OSMR: variants seen among roughly 807,000 people sequenced by gnomAD.
OSMR encodes the protein oncostatin M receptor.
In OSMR, 81 loss-of-function variants were observed where a neutral mutation model predicts 99.9. The ratio of observed to expected loss-of-function variants is 0.81; its 90% confidence interval spans 0.68 to 0.97. The LOEUF is 0.97. Ranked by LOEUF, OSMR falls within the 50% of genes least tolerant of loss-of-function variation. OSMR has a pLI of 0.00. For synonymous variants in OSMR, 406 were observed against 410.4 expected (o/e 0.99, Z 0.13); for missense variants, 1,099 against 1,153.4 (o/e 0.95, Z 0.68).
At position 38,883,817 on chromosome 5, in the gene OSMR, T is replaced by C. The variant is rs1254603809; in HGVS notation, c.419-10T>C. The C allele has an allele frequency of 1.2e-6, 2 of 1,612,376 alleles. No homozygotes were observed. The highest frequency in any genetic ancestry group is 2.2e-5 in the South Asian group (2 of 91,004). ...TGCGATTCTAACTTGGCTATTTTTTTTTCTTGCAGTACAAGATTCTACTGG... is the reference window on the plus strand; with the variant it reads ...TGCGATTCTAACTTGGCTATTTTTTCTTCTTGCAGTACAAGATTCTACTGG... On this transcript the variant is annotated splice_polypyrimidine_tract_variant and intron_variant, in intron 4 of 17. Transcript: ENST00000274276.
intron 16 of OSMR, 64 bp from the exon 17 acceptor site, chr5:38,932,399 G>C: frequency 8.5e-7 from 1 of 1,171,838 alleles, no homozygotes; most frequent in Non-Finnish European, 1.3e-6. Context: ...TGACTCCAGA[G>C]TTCTTGCTCT....
In OSMR at chr5:38,902,249, C is replaced by T. The variant is rs77250514; in HGVS notation, c.992-1633C>T. On this transcript the variant is annotated intron_variant, in intron 7 of 17. Coordinates refer to ENST00000274276, the MANE Select transcript of OSMR (RefSeq NM_003999.3). ...TAGGTGGCAGGCGGAAGTGGATATG[C>T]CCCACTGTTATGGCTTAAATCCTTA... 3.2e-3 allele frequency among the ~76,000 whole-genome samples: 492 copies of T among 152,304 alleles called. 6 individuals are homozygous for T. The highest frequency in any genetic ancestry group is 0.011 in the African/African-American group (475 of 41,562).
intron 2 of OSMR, chr5:38,944,894 T>C: frequency 1.9e-6 from 3 of 1,609,098 alleles, no homozygotes; most frequent in Non-Finnish European, 1.7e-6. Flanking sequence ...AATGATTGGA[T>C]TTGAATCTGA....
intron 7 of OSMR, among the ~76,000 whole-genome samples, chr5:38,891,972 G>A (rs1315112093): frequency 6.6e-6 from 1 of 152,116 alleles, no homozygotes; most frequent in Admixed American, 6.5e-5. Context: ...TCCGGGCAAG[G>A]CTCATGGCTT....
At chr5:38,920,176 CCCCGTG>C (rs1232501770) in intron 11 of OSMR, among the ~76,000 whole-genome samples, 1 of 152,152 alleles carries the variant, frequency 6.6e-6, no homozygotes, top group Non-Finnish European at 1.5e-5. Context: ...CACCCTCCAT[CCCCGTG>C]CCCTGCCTTC....
intron 4 of OSMR, among the ~76,000 whole-genome samples, chr5:38,882,272 G>A (rs1743348974): frequency 6.6e-6 from 1 of 152,130 alleles, no homozygotes; most frequent in Non-Finnish European, 1.5e-5. Flanking sequence ...TTTGTTGATA[G>A]AAATTTATTT....
intron 7 of OSMR, among the ~76,000 whole-genome samples, chr5:38,891,776 G>A (rs149474685): frequency 5.3e-5 from 8 of 152,342 alleles, no homozygotes; most frequent in African/African-American, 1.9e-4. Flanking sequence ...AGCCCCAATA[G>A]CGGCCATTGC....
intron 7 of OSMR, among the ~76,000 whole-genome samples, chr5:38,902,103 G>A (rs1289770467): frequency 1.3e-5 from 2 of 152,118 alleles, no homozygotes; most frequent in Admixed American, 6.5e-5. Flanking sequence ...ATTGTGAGAG[G>A]GTGGTTTATA....
chr5:38,878,626 T>C (rs1040624928), intron 3 of OSMR, among the ~76,000 whole-genome samples: 2 of 152,166 alleles, frequency 1.3e-5, no homozygotes, highest in African/African-American at 4.8e-5. Context: ...CAGTAACAAA[T>C]CAGTGACCTC....
chr5:38,931,985 T>C, intron 16 of OSMR, 21 bp downstream of exon 16: 1 of 1,571,316 alleles, frequency 6.4e-7, no homozygotes, highest in Non-Finnish European at 8.8e-7. Context: ...GAGGAAGGTT[T>C]TATCCAAGAA....
At chr5:38,937,701 A>G (rs1489859399), downstream of OSMR, among the ~76,000 whole-genome samples, 1 of 152,292 alleles carries the variant, frequency 6.6e-6, no homozygotes, top group African/African-American at 2.4e-5. The surrounding 1 kb of genome is among the most constrained non-coding windows in gnomAD (Gnocchi z 4.0). Flanking sequence ...CATTTTCCAA[A>G]TCCCTTTAGA....
At chr5:38,944,244 A>C (rs1422075073) in exon 2 of OSMR, 1 of 646,612 alleles carries the variant, frequency 1.5e-6, no homozygotes, top group Non-Finnish European at 2.9e-6. Context: ...CTGGATTCTC[A>C]TACTTGCTTC....
At chr5:38,849,600 C>CAAAT (rs1465630205) in intron 1 of OSMR, among the ~76,000 whole-genome samples, 4 of 151,996 alleles carry the variant, frequency 2.6e-5, no homozygotes, top group African/African-American at 9.7e-5. Flanking sequence ...TTTCTCTTTA[C>CAAAT]AAATAGCCTG....
At chr5:38,889,478 T>A (rs1744011377) in intron 7 of OSMR, among the ~76,000 whole-genome samples, 1 of 152,208 alleles carries the variant, frequency 6.6e-6, no homozygotes, top group Non-Finnish European at 1.5e-5. Context: ...AATTTTGAAT[T>A]TATTTTTTGT....
At chr5:38,930,096 C>T (rs1243790152) in intron 15 of OSMR, among the ~76,000 whole-genome samples, 2 of 152,208 alleles carry the variant, frequency 1.3e-5, no homozygotes, top group African/African-American at 4.8e-5. Flanking sequence ...AAGGCACAGA[C>T]CACATAATGT....
chr5:38,905,840 ATTC>A (rs1745193534), intron 9 of OSMR, among the ~76,000 whole-genome samples: 1 of 152,136 alleles, frequency 6.6e-6, no homozygotes, highest in Admixed American at 6.5e-5. Flanking sequence ...GTATTTTATT[ATTC>A]TTCTTATTTG....
At chr5:38,924,217 C>A in intron 13 of OSMR, 1 of 705,418 alleles carries the variant, frequency 1.4e-6, no homozygotes, top group Non-Finnish European at 1.7e-6. Flanking sequence ...AAAGGCAAGA[C>A]TTGAACAAGA....
intron 7 of OSMR, among the ~76,000 whole-genome samples, chr5:38,887,722 C>A (rs1051262920): frequency 4.6e-5 from 7 of 152,034 alleles, no homozygotes; most frequent in African/African-American, 1.2e-4. Context: ...TCTATGAAAA[C>A]CCCTCCTGGG....
At chr5:38,871,423 C>G (rs1440304027) in intron 2 of OSMR, among the ~76,000 whole-genome samples, 1 of 152,236 alleles carries the variant, frequency 6.6e-6, no homozygotes, top group Non-Finnish European at 1.5e-5. Flanking sequence ...TTGCCCTGAC[C>G]TGTACTATTT....
Sources: gnomAD v4.1 joint callset for allele counts (sites outside exome capture counted in the v4.1 genomes callset) on GRCh38, gnomAD v4.1.1 for gene constraint, Gnocchi (gnomAD v3.1) non-coding constraint, MANE v1.5 for transcripts, NCBI Gene and HGNC (gene_info 2026-07-23, HGNC 2026-07-21) for gene names.